The following LCP1 variants were observed in gnomAD, a reference collection of about 807,000 sequenced individuals.
LCP1 encodes the protein lymphocyte cytosolic protein 1.
In LCP1, 23 loss-of-function variants were observed where a neutral mutation model predicts 72.0. That is an observed-to-expected ratio of 0.32 (90% CI 0.23 to 0.45). LCP1 has a LOEUF of 0.45. Ranked by LOEUF, LCP1 falls within the 20% of genes least tolerant of loss-of-function variation. LCP1 has a pLI of 1.00. For synonymous variants in LCP1, 245 were observed against 275.4 expected (o/e 0.89, Z 1.09); for missense variants, 571 against 748.3 (o/e 0.76, Z 2.76).
At chr13:46,131,174 T>A (rs1277696233) in intron 14 of LCP1, among the ~76,000 whole-genome samples, 1 of 151,994 alleles carries the variant, frequency 6.6e-6, no homozygotes, top group Non-Finnish European at 1.5e-5. Context: ...AAATAATAAA[T>A]GGAAGGAAGT....
chr13:46,140,760 T>C (rs771508716), intron 13 of LCP1, among the ~76,000 whole-genome samples: 1 of 152,248 alleles, frequency 6.6e-6, no homozygotes, highest in Non-Finnish European at 1.5e-5. Context: ...CTATGGGAAA[T>C]ATAAAAATGA....
At chr13:46,161,823 A>G (rs899851527) in intron 1 of LCP1, among the ~76,000 whole-genome samples, 16 of 152,210 alleles carry the variant, frequency 1.1e-4, no homozygotes, top group African/African-American at 3.9e-4. Flanking sequence ...ATCTATCTCC[A>G]AGTTCTCTAG....
intron 9 of LCP1, 103 bp from the exon 10 acceptor site, chr13:46,147,206 G>T: frequency 1.0e-6 from 1 of 1,004,654 alleles, no homozygotes; most frequent in Non-Finnish European, 1.4e-6. Context: ...AATCATTAGT[G>T]TTTATCTCAG....
At chr13:46,167,689 T>C (rs1406500778) in intron 1 of LCP1, among the ~76,000 whole-genome samples, 1 of 152,228 alleles carries the variant, frequency 6.6e-6, no homozygotes, top group Non-Finnish European at 1.5e-5. Flanking sequence ...TTGAATATTA[T>C]GGGCTAGCTG....
intron 11 of LCP1, 58 bp downstream of exon 11, chr13:46,144,384 C>G: frequency 7.7e-7 from 1 of 1,291,340 alleles, no homozygotes; most frequent in Non-Finnish European, 1.1e-6. Flanking sequence ...TATTTGGAAT[C>G]CTATGGCTCT....
intron 12 of LCP1, 34 bp downstream of exon 12, chr13:46,143,256 T>G: frequency 6.8e-7 from 1 of 1,462,376 alleles, no homozygotes; most frequent in Non-Finnish European, 9.6e-7. Flanking sequence ...TGACTTTGCC[T>G]GTCTCCTGGA....
At position 46,142,285 on chromosome 13, in the gene LCP1, A is replaced by ATACT; in HGVS notation, c.1502+3_1502+6dup. 6.2e-7 allele frequency: 1 copy of ATACT among 1,613,374 alleles called. No individual in the cohort carries two copies. On this transcript the variant is annotated splice_region_variant and intron_variant, in intron 13 of 15. Coordinates refer to ENST00000323076, the MANE Select transcript of LCP1 (RefSeq NM_002298.5). ...CAAGAAAAAGCCACTTCCATAAGCT[A>ATACT]TACTACCTTCTCATTAGCTGCCAAA...
chr13:46,160,227 T>C (rs948440867), intron 1 of LCP1, among the ~76,000 whole-genome samples: 1 of 152,180 alleles, frequency 6.6e-6, no homozygotes, highest in African/African-American at 2.4e-5. Context: ...TTGGGCTTTC[T>C]GGCCCATTTG....
At chr13:46,141,405 C>CAAAA (rs762462829) in intron 13 of LCP1, among the ~76,000 whole-genome samples, 61 of 52,074 alleles carry the variant, frequency 1.2e-3, no homozygotes, top group East Asian at 4.3e-3. Flanking sequence ...GACTCTGTCT[C>CAAAA]AAAAAAAAAA....
chr13:46,159,091 A>G (rs956006760), intron 2 of LCP1, 102 bp from the exon 3 acceptor site: 1 of 1,067,318 alleles, frequency 9.4e-7, no homozygotes, highest in African/African-American at 1.5e-5. Flanking sequence ...GAGAGAGGCT[A>G]TCATTCAGAC....
At position 46,127,487 on chromosome 13, in the gene LCP1, A is replaced by C; in HGVS notation, c.*104T>G. 1.4e-6 allele frequency: 2 copies of C among 1,417,798 alleles called. No homozygotes were observed. Among genetic ancestry groups the C allele is most frequent in the Non-Finnish European group, 1.9e-6 (2 of 1,030,154 alleles). 87.8% of individuals were successfully genotyped at this position (1,417,798 alleles called of 1,614,324 possible). ...ATATGTGCTTTTTGGAATCTTATAG[A>C]GTGTCACCAAGTTGAACTTTGGAAT... is the stretch of plus-strand genomic sequence containing the variant. On this transcript the variant is annotated 3_prime_UTR_variant, in exon 16 of 16. Coordinates refer to ENST00000323076, the MANE Select transcript of LCP1 (RefSeq NM_002298.5).
intron 1 of LCP1, among the ~76,000 whole-genome samples, chr13:46,163,017 G>C (rs568221067): frequency 6.8e-6 from 1 of 147,872 alleles, no homozygotes; most frequent in Non-Finnish European, 1.5e-5. Context: ...GGAGGTGGGG[G>C]GCAGCCCCCG....
chr13:46,151,832 CCTGATAA>C (rs2045766216), intron 7 of LCP1, among the ~76,000 whole-genome samples: 2 of 152,246 alleles, frequency 1.3e-5, no homozygotes, highest in Admixed American at 1.3e-4. Context: ...AGGATTTGTA[CCTGATAA>C]CTAAAAGATA....
chr13:46,143,277 C>A lies in LCP1; in HGVS notation c.1368+13G>T, dbSNP rs1447220163. 1.3e-6 allele frequency: 2 copies of A among 1,576,658 alleles called. No homozygotes were observed. The highest frequency in any genetic ancestry group is 1.3e-5 in the African/African-American group (1 of 74,090). ...TGCCTGTCTCCTGGAACAACAGAAC[C>A]ATCATTGTTTACCTTCTTCATATTG... On this transcript the variant is annotated intron_variant, in intron 12 of 15. Coordinates refer to ENST00000323076, the MANE Select transcript of LCP1 (RefSeq NM_002298.5).
intron 5 of LCP1, among the ~76,000 whole-genome samples, chr13:46,155,993 T>G (rs1379886568): frequency 6.6e-6 from 1 of 152,246 alleles, no homozygotes; most frequent in Non-Finnish European, 1.5e-5. Flanking sequence ...AGAGACTATC[T>G]ATGTACTTCT....
At chr13:46,173,606 G>A (rs1015542467) in intron 1 of LCP1, among the ~76,000 whole-genome samples, 1 of 152,146 alleles carries the variant, frequency 6.6e-6, no homozygotes, top group African/African-American at 2.4e-5. Flanking sequence ...TATACTATGT[G>A]TTTTGTGTGG....
chr13:46,140,369 C>T (rs577518871), intron 13 of LCP1, among the ~76,000 whole-genome samples: 1 of 152,260 alleles, frequency 6.6e-6, no homozygotes, highest in African/African-American at 2.4e-5. Context: ...AATTTGTTCC[C>T]ACCAGCTGGA....
At chr13:46,175,505 A>G (rs1028304937) in intron 1 of LCP1, among the ~76,000 whole-genome samples, 1 of 152,178 alleles carries the variant, frequency 6.6e-6, no homozygotes, top group Non-Finnish European at 1.5e-5. Context: ...GCAGACACTC[A>G]GCTTTAAAGA....
chr13:46,163,270 G>A (rs377543691), intron 1 of LCP1, among the ~76,000 whole-genome samples: 7 of 152,328 alleles, frequency 4.6e-5, no homozygotes, highest in Non-Finnish European at 7.3e-5. Flanking sequence ...GACATAGGAG[G>A]CTCCATTTTG....
Sources: gnomAD v4.1 joint callset for allele counts (sites outside exome capture counted in the v4.1 genomes callset) on GRCh38, gnomAD v4.1.1 for gene constraint, MANE v1.5 for transcripts, NCBI Gene and HGNC (gene_info 2026-07-23, HGNC 2026-07-21) for gene names.